Variants in GNAS observed in about 807,000 individuals in gnomAD.
GNAS encodes the protein GNAS complex locus, also known as protein ALEX.
Under a neutral mutation model 54.5 loss-of-function variants are expected in GNAS, and 8 were observed. The observed-to-expected ratio is 0.15, with a 90% CI of 0.09 to 0.26. The LOEUF (loss-of-function observed/expected upper bound fraction) is 0.26, where lower values mean the gene tolerates loss of function less well. Ranked by LOEUF, GNAS falls within the 10% of genes least tolerant of loss-of-function variation. GNAS has a pLI of 1.00. For missense variants in GNAS, 170 were observed against 529.8 expected (o/e 0.32, Z 6.67); for synonymous variants, 204 against 191.4 (o/e 1.07, Z -0.54).
chr20:58,839,950 T>C (rs1462977553), upstream of GNAS: 2 of 717,290 alleles, frequency 2.8e-6, no homozygotes, highest in Non-Finnish European at 4.7e-6. Flanking sequence ...GGTAGGTGCT[T>C]CCCTTTTTCT....
At chr20:58,858,705 T>G (rs929430847) in intron 1 of GNAS, among the ~76,000 whole-genome samples, 3 of 152,340 alleles carry the variant, frequency 2.0e-5, no homozygotes, top group African/African-American at 7.2e-5. Context: ...GAATCACAAT[T>G]AATTGTATGA....
Position 58,909,303 on chromosome 20 carries a change from G to A in GNAS, c.586-47G>A, listed in dbSNP as rs1601160460. ...TTGCTTTAGATTGGCAATTATTACT[G>A]TTTCGGTTGGCTTTGGTGAGATCCA... On this transcript the variant is annotated intron_variant, in intron 7 of 12. Coordinates refer to ENST00000371085, the MANE Select transcript of GNAS (RefSeq NM_000516.7). This position sits in a 1 kb window ranked among gnomAD's most constrained non-coding sequence, Gnocchi z 7.3. The A allele has an allele frequency of 6.3e-7, 1 of 1,589,422 alleles. No homozygotes were observed. The highest frequency in any genetic ancestry group is 8.6e-7 in the Non-Finnish European group (1 of 1,157,522).
At position 58,910,502 on chromosome 20, in the gene GNAS, C is replaced by A. The variant is rs1389386392; in HGVS notation, c.1038+101C>A. On this transcript the variant is annotated intron_variant, in intron 12 of 12. Transcript: ENST00000371085. The surrounding 1 kb of genome is among the most constrained non-coding windows in gnomAD (Gnocchi z 5.8). ...AATTCAGGGGTTCAGCTACCCAGTT[C>A]CATGGTTTTAGTTCACGCACATCCA... 5.1e-6 allele frequency: 6 copies of A among 1,170,400 alleles called. No homozygotes were observed. The highest frequency in any genetic ancestry group is 2.4e-5 in the East Asian group (1 of 42,310). 72.5% of individuals were successfully genotyped at this position (1,170,400 alleles called of 1,614,324 possible).
rs570562861 is a variant in GNAS, at chr20:58,911,153, T to C, written c.*324T>C. The C allele has an allele frequency of 7.3e-5, 37 of 503,502 alleles. No individual in the cohort carries two copies. In the East Asian group the frequency reaches 1.3e-3, roughly 18 times the overall value. 31.2% of individuals were successfully genotyped at this position (503,502 alleles called of 1,614,324 possible). ...GAAATAAATATTGTGTTGTGCAGCA[T>C]TAAAAAAAATCAAAATAAAAATTAA... is the stretch of plus-strand genomic sequence containing the variant. On this transcript the variant is annotated 3_prime_UTR_variant, in exon 13 of 13. Transcript: ENST00000371085.
chr20:58,871,746 AAAAG>A (rs2087483363), intron 1 of GNAS, among the ~76,000 whole-genome samples: 1 of 151,900 alleles, frequency 6.6e-6, no homozygotes, highest in African/African-American at 2.4e-5. Context: ...GGGAGAAAAG[AAAAG>A]AAAGGAAAAG....
At position 58,869,997 on chromosome 20, in the gene GNAS, C is replaced by T. The variant is rs141575386; in HGVS notation, c.44-25615C>T. On this transcript the variant is annotated intron_variant, in intron 1 of 12. Transcript: ENST00000306090. ...CATTTCTGCCCCCTGCACCACCCCA[C>T]CCAGCAGCTGGAAAATGATGAGGTC... 5.4e-3 allele frequency among the ~76,000 whole-genome samples: 818 copies of T among 152,300 alleles called. 5 individuals carry two copies. Among genetic ancestry groups the T allele is most frequent in the Middle Eastern group, 0.017 (5 of 294 alleles).
chr20:58,870,046 G>A (rs2087336152), intron 1 of GNAS, among the ~76,000 whole-genome samples: 1 of 152,168 alleles, frequency 6.6e-6, no homozygotes, highest in East Asian at 1.9e-4. Flanking sequence ...GGGCCACACA[G>A]GCCTCCCACA....
At chr20:58,872,301 T>C (rs2087522529) in intron 1 of GNAS, among the ~76,000 whole-genome samples, 2 of 152,234 alleles carry the variant, frequency 1.3e-5, no homozygotes, top group African/African-American at 4.8e-5. Context: ...CTAAGTGGTT[T>C]TGTTTTGTTT....
chr20:58,901,919 G>A (rs1195220385), intron 3 of GNAS, among the ~76,000 whole-genome samples: 1 of 143,594 alleles, frequency 7.0e-6, no homozygotes, highest in Non-Finnish European at 1.5e-5. Context: ...ACCTCCCTTC[G>A]CCTTTCCTCT....
At chr20:58,865,042 T>C (rs979110748) in intron 1 of GNAS, among the ~76,000 whole-genome samples, 1 of 152,132 alleles carries the variant, frequency 6.6e-6, no homozygotes, top group Admixed American at 6.6e-5. Flanking sequence ...CCCTCATTGA[T>C]AACTACTGCC....
rs1444608155 is a variant in GNAS at position 58,910,481 on chromosome 20, C to G, written c.1038+80C>G. The G allele has an allele frequency of 1.1e-5, 14 of 1,250,808 alleles. No individual in the cohort carries two copies. Among genetic ancestry groups the G allele is most frequent in the Non-Finnish European group, 1.6e-5 (14 of 852,056 alleles). The allele number at this position is 1,250,808 out of a possible 1,614,324, so 77.5% of individuals were successfully genotyped here. On this transcript the variant is annotated intron_variant, in intron 12 of 12. Transcript: ENST00000371085. This position sits in a 1 kb window ranked among gnomAD's most constrained non-coding sequence, Gnocchi z 5.8. ...ATGTAAATTTACTTAATTCCAAATT[C>G]AGGGGTTCAGCTACCCAGTTCCATG...
At chr20:58,892,780 T>C (rs1029755662) in intron 1 of GNAS, among the ~76,000 whole-genome samples, 1 of 151,822 alleles carries the variant, frequency 6.6e-6, no homozygotes, top group Non-Finnish European at 1.5e-5. Flanking sequence ...TGAAGCCAAA[T>C]GACACGTCAT....
chr20:58,852,913 C>T (rs2086241108), intron 1 of GNAS: 2 of 704,492 alleles, frequency 2.8e-6, no homozygotes, highest in African/African-American at 1.8e-5. Flanking sequence ...CGGACCGAAT[C>T]GGCACGCTCG....
Position 58,891,846 on chromosome 20 carries a change from G to T in GNAS, c.120G>T (p.Thr40=). 2 of 1,237,872 alleles carry T rather than the reference G, an allele frequency of 1.6e-6. No homozygotes were observed. Among genetic ancestry groups the T allele is most frequent in the African/African-American group, 1.6e-5 (1 of 62,410 alleles). The allele number at this position is 1,237,872 out of a possible 1,614,324, so 76.7% of individuals were successfully genotyped here. ...AGGACAAGCAGGTCTACCGGGCCAC[G>T]CACCGCCTGCTGCTGCTGGGTAAGG... is the stretch of plus-strand genomic sequence containing the variant. The part of the protein sequence containing the change: ...LQKDKQVYRA[T]HRLLLLGAGE... The change falls in exon 1 of 13, where the codon ACG becomes ACT. Residue 40 remains threonine, a synonymous_variant. Coordinates refer to ENST00000371085, the MANE Select transcript of GNAS (RefSeq NM_000516.7).
intron 1 of GNAS, among the ~76,000 whole-genome samples, chr20:58,851,715 C>T (rs1212874253): frequency 6.6e-6 from 1 of 152,204 alleles, no homozygotes; most frequent in Admixed American, 6.5e-5. Flanking sequence ...GGGCAACCGC[C>T]GGGTTTGTGG....
chr20:58,909,484 TC>T lies in GNAS; in HGVS notation c.660-34del. On this transcript the variant is annotated intron_variant, in intron 8 of 12. Coordinates refer to ENST00000371085, the MANE Select transcript of GNAS (RefSeq NM_000516.7). This position sits in a 1 kb window ranked among gnomAD's most constrained non-coding sequence, Gnocchi z 7.3. ...CATGGTTTCTTGACATTCACCCCAG[TC>T]CCTCTGGAATAACCAGCTGTCCTCC... 6.2e-7 allele frequency: 1 copy of T among 1,612,252 alleles called. No homozygotes were observed. The highest frequency in any genetic ancestry group is 8.5e-7 in the Non-Finnish European group (1 of 1,178,374).
At chr20:58,903,836 A>G (rs1249665333) in intron 5 of GNAS, 45 bp downstream of exon 5, 1 of 1,610,914 alleles carries the variant, frequency 6.2e-7, no homozygotes, top group Non-Finnish European at 8.5e-7. Context: ...CGCCCACCTG[A>G]GCACAGTGTC....
chr20:58,899,657 ACACACACG>A (rs1601075423), intron 3 of GNAS, among the ~76,000 whole-genome samples: 2 of 132,242 alleles, frequency 1.5e-5, no homozygotes, highest in Admixed American at 8.3e-5. Context: ...CATCACACAC[ACACACACG>A]CACACACATG....
At chr20:58,875,312 G>GTTC (rs1441265646) in intron 1 of GNAS, among the ~76,000 whole-genome samples, 1 of 152,200 alleles carries the variant, frequency 6.6e-6, no homozygotes, top group Non-Finnish European at 1.5e-5. Context: ...AGGTGGCTGT[G>GTTC]TTCTCTTCAG....
Sources: allele counts gnomAD v4.1 joint callset (sites outside exome capture counted in the v4.1 genomes callset), GRCh38; gene constraint gnomAD v4.1.1; non-coding constraint Gnocchi (gnomAD v3.1); transcripts MANE v1.5; gene names NCBI Gene and HGNC (gene_info 2026-07-23, HGNC 2026-07-21).